DPH6: variants seen among roughly 807,000 people sequenced by gnomAD.
DPH6 encodes diphthamine biosynthesis 6.
Under a neutral mutation model 38.2 loss-of-function variants are expected in DPH6, and 33 were observed. The ratio of observed to expected loss-of-function variants is 0.86; its 90% CI spans 0.65 to 1.15. The LOEUF is 1.15. Among genes scored for constraint, DPH6 ranks in the 50% most tolerant of loss-of-function variants. The pLI is 0.00. For synonymous variants in DPH6, 108 were observed against 103.0 expected (o/e 1.05, Z -0.30); for missense variants, 325 against 320.0 (o/e 1.02, Z -0.12).
At chr15:35,353,112 T>G (rs922422355) in intron 3 of DPH6, among the ~76,000 whole-genome samples, 2 of 152,210 alleles carry the variant, frequency 1.3e-5, no homozygotes, top group African/African-American at 4.8e-5. Flanking sequence ...CTTCGCCCAC[T>G]TTTTGATGGG....
intron 3 of DPH6, among the ~76,000 whole-genome samples, chr15:35,257,606 G>A (rs186198236): frequency 2.6e-5 from 4 of 152,268 alleles, no homozygotes; most frequent in Admixed American, 6.5e-5. Flanking sequence ...GGGATTTTTT[G>A]TGGAGGTACA....
At chr15:35,508,834 G>T (rs1330173483) in intron 3 of DPH6, among the ~76,000 whole-genome samples, 1 of 152,146 alleles carries the variant, frequency 6.6e-6, no homozygotes, top group Admixed American at 6.5e-5. Context: ...TTTTAGTAGT[G>T]TAACAGAATG....
At chr15:35,236,921 A>G (rs1437438424) in intron 3 of DPH6, among the ~76,000 whole-genome samples, 1 of 152,100 alleles carries the variant, frequency 6.6e-6, no homozygotes, top group Non-Finnish European at 1.5e-5. Flanking sequence ...AATAAACACT[A>G]TTTTTGTTCC....
intron 3 of DPH6, among the ~76,000 whole-genome samples, chr15:35,232,575 C>T (rs1021312129): frequency 9.2e-5 from 14 of 151,962 alleles, no homozygotes; most frequent in African/African-American, 2.9e-4. Flanking sequence ...AGCAATACTC[C>T]GTGTCAAAAA....
intron 3 of DPH6, 22 bp from the exon 4 acceptor site, chr15:35,454,842 A>T: frequency 6.4e-7 from 1 of 1,562,262 alleles, no homozygotes; most frequent in South Asian, 1.2e-5. Flanking sequence ...GAAAAAAACC[A>T]TAACTTTAAA....
intron 3 of DPH6, among the ~76,000 whole-genome samples, chr15:35,272,253 G>A (rs2051826897): frequency 6.6e-6 from 1 of 152,082 alleles, no homozygotes; most frequent in Non-Finnish European, 1.5e-5. Flanking sequence ...GATGTATATA[G>A]GTTATGTGCA....
chr15:35,334,621 A>G (rs2052353628), intron 3 of DPH6, among the ~76,000 whole-genome samples: 1 of 151,856 alleles, frequency 6.6e-6, no homozygotes, highest in South Asian at 2.1e-4. Flanking sequence ...TGTTCTCATC[A>G]TTCAGCTCCC....
At chr15:35,340,843 T>C (rs528559621) in intron 3 of DPH6, among the ~76,000 whole-genome samples, 19 of 152,252 alleles carry the variant, frequency 1.2e-4, no homozygotes, top group African/African-American at 2.2e-4. Context: ...AAGAATCTGA[T>C]GATTATGTGT....
intron 3 of DPH6, among the ~76,000 whole-genome samples, chr15:35,477,214 T>C (rs1459835079): frequency 6.6e-6 from 1 of 151,844 alleles, no homozygotes; most frequent in East Asian, 1.9e-4. Flanking sequence ...ACAATAACTA[T>C]ATATCAAAGT....
At chr15:35,442,235 T>G (rs984336420) in intron 5 of DPH6, among the ~76,000 whole-genome samples, 1 of 152,170 alleles carries the variant, frequency 6.6e-6, no homozygotes, top group Non-Finnish European at 1.5e-5. Flanking sequence ...TTGACATTTC[T>G]CTAAAGAAGA....
chr15:35,543,718 A>C lies in DPH6; in HGVS notation c.24-1211T>G, dbSNP rs574028595. Among the ~76,000 whole-genome samples the C allele has an allele frequency of 1.6e-3, 239 of 152,190 alleles. 1 individual carries two copies. Among genetic ancestry groups the C allele is most frequent in the Non-Finnish European group, 2.5e-3 (171 of 68,002 alleles). On this transcript the variant is annotated intron_variant, in intron 1 of 8. Transcript: ENST00000256538. ...ACAACTCTCATTCCAAAACTTCTCA[A>C]GTGGAAGGAGAGCACAAGGGCCAAA...
the DPH6 span, among the ~76,000 whole-genome samples, chr15:35,170,749 A>G: frequency 1.3e-5 from 2 of 152,136 alleles, no homozygotes; most frequent in Non-Finnish European, 2.9e-5. Flanking sequence ...AGAAGATATA[A>G]AAGAGCTGAG....
intron 3 of DPH6, chr15:35,283,047 CCTTCTTCTTCCTT>C (rs995640766): frequency 1.5e-4 from 25 of 169,940 alleles, no homozygotes; most frequent in African/African-American, 5.8e-4. Flanking sequence ...TCTTCTTCTT[CCTTCTTCTTCCTT>C]CTTCTTCTTC....
intron 3 of DPH6, among the ~76,000 whole-genome samples, chr15:35,249,577 T>C (rs1025961327): frequency 6.6e-6 from 1 of 152,162 alleles, no homozygotes; most frequent in African/African-American, 2.4e-5. Context: ...CCTTCCACAG[T>C]CTTTATATTG....
chr15:35,222,457 A>G (rs2051448600), intron 3 of DPH6, among the ~76,000 whole-genome samples: 1 of 152,154 alleles, frequency 6.6e-6, no homozygotes, highest in Non-Finnish European at 1.5e-5. Context: ...TTGGTTTTAT[A>G]CATTTTAGGG....
At chr15:35,373,450 T>A (rs2052738630) in intron 8 of DPH6, 71 bp downstream of exon 8, 2 of 1,326,416 alleles carry the variant, frequency 1.5e-6, no homozygotes, top group Non-Finnish European at 2.1e-6. Flanking sequence ...TGTTACAGAA[T>A]TATATATGCA....
intron 3 of DPH6, among the ~76,000 whole-genome samples, chr15:35,471,064 A>G (rs955103873): frequency 6.6e-6 from 1 of 152,194 alleles, no homozygotes; most frequent in African/African-American, 2.4e-5. Flanking sequence ...ACTCTCATCA[A>G]CTCAGTTCCT....
intron 3 of DPH6, among the ~76,000 whole-genome samples, chr15:35,311,290 A>G (rs2052139832): frequency 6.6e-6 from 1 of 152,162 alleles, no homozygotes; most frequent in Non-Finnish European, 1.5e-5. Context: ...GAAAACAAAA[A>G]TGCACCCCCT....
intron 3 of DPH6, among the ~76,000 whole-genome samples, chr15:35,281,061 G>C (rs1025682978): frequency 6.8e-4 from 104 of 152,014 alleles, no homozygotes; most frequent in Non-Finnish European, 1.3e-4. Flanking sequence ...CCATTAACTT[G>C]TCATTTAGCA....
Sources: gnomAD v4.1 joint callset for allele counts (sites outside exome capture counted in the v4.1 genomes callset) on GRCh38, gnomAD v4.1.1 for gene constraint, MANE v1.5 for transcripts, NCBI Gene and HGNC (gene_info 2026-07-23, HGNC 2026-07-21) for gene names.